Variants in KIAA1217 observed in about 807,000 individuals in gnomAD.
KIAA1217 encodes the protein KIAA1217, also known as sickle tail protein homolog.
KIAA1217 carries 88 observed loss-of-function variants against 163.9 expected under a neutral mutation model. The observed-to-expected ratio is 0.54, with a 90% CI of 0.45 to 0.64. The LOEUF is 0.64. Ranked by LOEUF, KIAA1217 falls within the 30% of genes least tolerant of loss-of-function variation. The pLI is 0.00. For synonymous variants in KIAA1217, 903 were observed against 923.1 expected (o/e 0.98, Z 0.39); for missense variants, 2,372 against 2,475.0 (o/e 0.96, Z 0.88).
intron 5 of KIAA1217, among the ~76,000 whole-genome samples, chr10:24,469,755 G>A (rs1177860641): frequency 6.6e-6 from 1 of 152,126 alleles, no homozygotes; most frequent in Non-Finnish European, 1.5e-5. Context: ...AGGACTACAG[G>A]TGCATGCCAC....
intron 14 of KIAA1217, among the ~76,000 whole-genome samples, chr10:24,531,388 G>T (rs2073098104): frequency 6.6e-6 from 1 of 151,998 alleles, no homozygotes; most frequent in South Asian, 2.1e-4. Flanking sequence ...ACTGAGGGAT[G>T]AAGTATTTGG....
chr10:24,460,406 G>A (rs1373659077), intron 5 of KIAA1217, among the ~76,000 whole-genome samples: 3 of 152,094 alleles, frequency 2.0e-5, no homozygotes, highest in East Asian at 1.9e-4. Flanking sequence ...TGGAGCAGGC[G>A]GCTCTTCTGA....
intron 2 of KIAA1217, among the ~76,000 whole-genome samples, chr10:24,175,943 G>T (rs992342266): frequency 1.3e-5 from 2 of 152,184 alleles, no homozygotes; most frequent in Admixed American, 1.3e-4. Flanking sequence ...AGAGTGAGCA[G>T]CAGCAATATT....
At chr10:23,886,824 C>A (rs1268730844) in intron 1 of KIAA1217, among the ~76,000 whole-genome samples, 1 of 150,790 alleles carries the variant, frequency 6.6e-6, no homozygotes, top group African/African-American at 2.4e-5. Flanking sequence ...GTAGGAGCAA[C>A]CAATCTTGTT....
intron 2 of KIAA1217, among the ~76,000 whole-genome samples, chr10:24,240,866 TAA>T (rs1316007065): frequency 4.1e-5 from 6 of 146,890 alleles, no homozygotes; most frequent in African/African-American, 1.3e-4. Context: ...TTTTTTTTTT[TAA>T]AAAAAAAAGA....
rs117490863 is a variant in KIAA1217, at chr10:23,722,820, C to T, written c.-321+27586C>T. 2.8e-3 allele frequency among the ~76,000 whole-genome samples: 431 copies of T among 152,274 alleles called. 1 individual carries two copies. Among genetic ancestry groups the T allele is most frequent in the Middle Eastern group, 0.024 (7 of 294 alleles). The stretch of plus-strand genomic sequence containing the variant: ...CTTTGGACTGCATGTAACAGAAATC[C>T]CACTTCAGACTGGCTTCAGCAAGGA... On this transcript the variant is annotated intron_variant, in intron 1 of 18. Coordinates refer to the KIAA1217 transcript ENST00000376462.
chr10:24,525,888 G>A (rs1437006898), intron 13 of KIAA1217, among the ~76,000 whole-genome samples: 2 of 152,310 alleles, frequency 1.3e-5, no homozygotes, highest in African/African-American at 2.4e-5. Context: ...TACTCAGGGG[G>A]TTGAGGTGGG....
At chr10:24,270,479 C>A (rs1266260212) in intron 2 of KIAA1217, among the ~76,000 whole-genome samples, 4 of 152,336 alleles carry the variant, frequency 2.6e-5, no homozygotes, top group African/African-American at 9.6e-5. Flanking sequence ...TTATTTTCAT[C>A]TTTTTGAAAA....
At chr10:23,745,372 T>C (rs1564385210) in intron 1 of KIAA1217, among the ~76,000 whole-genome samples, 1 of 152,224 alleles carries the variant, frequency 6.6e-6, no homozygotes, top group Non-Finnish European at 1.5e-5. Context: ...TTTGTGCTAA[T>C]GTATGTAATA....
intron 2 of KIAA1217, among the ~76,000 whole-genome samples, chr10:24,196,172 C>CACACACACACACACACACAT (rs1222471443): frequency 1.5e-3 from 221 of 146,650 alleles, no homozygotes; most frequent in Middle Eastern, 0.014. Context: ...CACACACACA[C>CACACACACACACACACACAT]TGCCCTCACA....
chr10:24,281,281 T>TA (rs1490828644), intron 2 of KIAA1217, among the ~76,000 whole-genome samples: 3 of 152,334 alleles, frequency 2.0e-5, no homozygotes, highest in South Asian at 2.1e-4. Flanking sequence ...CCATCGTTTT[T>TA]ACCTATGTGT....
chr10:24,109,320 G>C (rs1294688303), intron 2 of KIAA1217, among the ~76,000 whole-genome samples: 1 of 151,894 alleles, frequency 6.6e-6, no homozygotes, highest in African/African-American at 2.4e-5. Context: ...TTTTTAAATT[G>C]GGATAACTAT....
chr10:24,527,839 C>T (rs921296382), intron 13 of KIAA1217, 97 bp from the exon 14 acceptor site: 2 of 896,588 alleles, frequency 2.2e-6, no homozygotes, highest in Admixed American at 2.2e-5. Context: ...TCCTGATCCT[C>T]TCCTTCCTCC....
intron 2 of KIAA1217, among the ~76,000 whole-genome samples, chr10:24,298,298 T>C (rs1345269903): frequency 6.6e-6 from 1 of 152,176 alleles, no homozygotes; most frequent in African/African-American, 2.4e-5. Context: ...AATTTTTTTT[T>C]TCTCATTTAT....
chr10:24,207,733 C>G (rs12265888), upstream of KIAA1217, among the ~76,000 whole-genome samples: 2 of 151,964 alleles, frequency 1.3e-5, no homozygotes, highest in African/African-American at 4.8e-5. Context: ...CCCCTCCTGA[C>G]GTGAGTGTAA....
chr10:24,448,954 A>G (rs2061181620), intron 5 of KIAA1217, among the ~76,000 whole-genome samples: 1 of 152,234 alleles, frequency 6.6e-6, no homozygotes, highest in African/African-American at 2.4e-5. Context: ...AATTTTTCAC[A>G]TAAGTTCAGG....
At chr10:24,416,982 A>T (rs1451274840) in intron 3 of KIAA1217, among the ~76,000 whole-genome samples, 2 of 152,108 alleles carry the variant, frequency 1.3e-5, no homozygotes, top group African/African-American at 4.8e-5. Context: ...TTATACCCCT[A>T]ATCCCTGTAC....
intron 2 of KIAA1217, among the ~76,000 whole-genome samples, chr10:24,242,511 G>T (rs974611338): frequency 3.3e-5 from 5 of 151,972 alleles, no homozygotes; most frequent in African/African-American, 1.2e-4. Flanking sequence ...GGACACCTAG[G>T]TTGATTCCAT....
intron 2 of KIAA1217, among the ~76,000 whole-genome samples, chr10:24,280,980 A>G (rs2077859307): frequency 6.6e-6 from 1 of 152,236 alleles, no homozygotes; most frequent in Non-Finnish European, 1.5e-5. Context: ...GGGGATGTTG[A>G]TAGCTAATTT....
Sources: gnomAD v4.1 joint callset for allele counts (sites outside exome capture counted in the v4.1 genomes callset) on GRCh38, gnomAD v4.1.1 for gene constraint, MANE v1.5 for transcripts, NCBI Gene and HGNC (gene_info 2026-07-23, HGNC 2026-07-21) for gene names.